Variants in SLC22A15 observed in about 807,000 individuals in gnomAD.
SLC22A15 encodes solute carrier family 22 member 15.
In SLC22A15, 45 loss-of-function variants were observed where a neutral mutation model predicts 62.7. The ratio of observed to expected loss-of-function variants is 0.72; its 90% confidence interval spans 0.56 to 0.92. The LOEUF is 0.92. Among genes scored for constraint, SLC22A15 ranks in the 40% least tolerant of loss-of-function variants. SLC22A15 has a pLI of 0.00. For missense variants in SLC22A15, 622 were observed against 665.6 expected (o/e 0.93, Z 0.72); for synonymous variants, 264 against 267.0 (o/e 0.99, Z 0.11).
intron 2 of SLC22A15, among the ~76,000 whole-genome samples, chr1:115,992,915 G>A (rs759697074): frequency 1.3e-5 from 2 of 152,030 alleles, no homozygotes; most frequent in African/African-American, 2.4e-5. Context: ...ATGAGCCACC[G>A]CGCCTGGCCT....
chr1:116,055,212 A>T lies in SLC22A15; in HGVS notation c.1172-7550A>T, dbSNP rs1292622009. Among the ~76,000 whole-genome samples the T allele has an allele frequency of 2.6e-5, 4 of 152,208 alleles. No individual in the cohort carries two copies. The East Asian group carries it at 5.8e-4, about 22-fold the overall frequency. The stretch of plus-strand genomic sequence containing the variant: ...AATCAAATAGACGCAATAAAAAATG[A>T]TAAAGGGGATATCACCACCTATCCC... On this transcript the variant is annotated intron_variant, in intron 8 of 11. Transcript: ENST00000369503.
chr1:116,045,638 C>CTGA (rs936670230), intron 8 of SLC22A15, among the ~76,000 whole-genome samples: 13 of 146,946 alleles, frequency 8.8e-5, no homozygotes, highest in Non-Finnish European at 1.5e-4. Context: ...ACTCCGGAGG[C>CTGA]TGAGGCAGGA....
chr1:116,024,183 G>A (rs1301526816), intron 4 of SLC22A15, among the ~76,000 whole-genome samples: 2 of 152,200 alleles, frequency 1.3e-5, no homozygotes, highest in African/African-American at 4.8e-5. Context: ...GGTTAGACAG[G>A]ATGGAAGCAG....
At chr1:115,992,298 G>A (rs1655185657) in intron 2 of SLC22A15, 55 bp downstream of exon 2, 1 of 1,391,318 alleles carries the variant, frequency 7.2e-7, no homozygotes, top group South Asian at 1.3e-5. Flanking sequence ...TCCACATAGA[G>A]CTACTCTTTT....
intron 8 of SLC22A15, among the ~76,000 whole-genome samples, chr1:116,057,918 G>A (rs1658258691): frequency 6.6e-6 from 1 of 152,088 alleles, no homozygotes; most frequent in Admixed American, 6.5e-5. Flanking sequence ...TGGGTGGGGA[G>A]AGGGGAGAAG....
chr1:115,985,945 CAA>C (rs35381675), intron 1 of SLC22A15, among the ~76,000 whole-genome samples: 86 of 114,434 alleles, frequency 7.5e-4, no homozygotes, highest in East Asian at 3.9e-3. Flanking sequence ...GACTCCATCT[CAA>C]AAAAAAAAAA....
intron 1 of SLC22A15, among the ~76,000 whole-genome samples, chr1:115,983,789 C>T (rs767886170): frequency 2.0e-5 from 3 of 152,136 alleles, no homozygotes; most frequent in Non-Finnish European, 4.4e-5. Flanking sequence ...GTTGCAGCCT[C>T]GTGACTGTGC....
intron 8 of SLC22A15, among the ~76,000 whole-genome samples, chr1:116,056,317 A>C (rs967858377): frequency 4.9e-5 from 7 of 141,730 alleles, no homozygotes; most frequent in Non-Finnish European, 9.3e-5. Context: ...TTGCTTAAAG[A>C]GAATAAAATA....
At chr1:116,055,493 C>T (rs1316814357) in intron 8 of SLC22A15, among the ~76,000 whole-genome samples, 5 of 149,332 alleles carry the variant, frequency 3.3e-5, no homozygotes, top group African/African-American at 1.2e-4. Flanking sequence ...GGAACTGGTA[C>T]CATTCCTTCT....
chr1:116,000,842 C>T (rs1484480149), intron 2 of SLC22A15, among the ~76,000 whole-genome samples: 1 of 152,068 alleles, frequency 6.6e-6, no homozygotes, highest in Non-Finnish European at 1.5e-5. Flanking sequence ...CTGTGTTAGC[C>T]AGGATGGTCT....
At chr1:116,012,530 A>G (rs1656323398) in intron 2 of SLC22A15, among the ~76,000 whole-genome samples, 1 of 152,232 alleles carries the variant, frequency 6.6e-6, no homozygotes. Context: ...AAACCTGGAG[A>G]TGGCTTGTTT....
intron 6 of SLC22A15, chr1:116,032,730 C>A: frequency 2.7e-6 from 2 of 734,114 alleles, no homozygotes; most frequent in Non-Finnish European, 3.3e-6. Context: ...CCGTTGAAAG[C>A]CAAACCTGAC....
rs541950430 is a variant in SLC22A15, at chr1:116,068,356, C to G, written c.*1248C>G. The stretch of plus-strand genomic sequence containing the variant: ...AAAATTTCTGTGTTTTCAGAATTTC[C>G]ATTTCTACTAACCTCTTGGAGAAAA... On this transcript the variant is annotated 3_prime_UTR_variant, in exon 12 of 12. Coordinates refer to ENST00000369503, the MANE Select transcript of SLC22A15 (RefSeq NM_018420.3). 1.3e-5 allele frequency: 2 copies of G among 152,712 alleles called. No homozygotes were observed. Among genetic ancestry groups the G allele is most frequent in the African/African-American group, 4.8e-5 (2 of 41,558 alleles). The allele number at this position is 152,712 out of a possible 1,614,324, so 9.5% of individuals were successfully genotyped here. A position where few individuals can be genotyped will look rare whatever the true frequency, so the allele number is the denominator to read the frequency against.
intron 2 of SLC22A15, among the ~76,000 whole-genome samples, chr1:115,993,428 A>AGTGTGTGTGTGT (rs762008398): frequency 9.1e-5 from 13 of 143,564 alleles, no homozygotes; most frequent in South Asian, 4.4e-4. Context: ...AGTGTGTGAG[A>AGTGTGTGTGTGT]GTGTGTGTGT....
rs1019662425 is a variant in SLC22A15 at position 116,027,025 on chromosome 1, A to G, written c.728+3A>G. 2 of 1,612,164 alleles carry G rather than the reference A, an allele frequency of 1.2e-6. No individual in the cohort carries two copies. The highest frequency in any genetic ancestry group is 1.7e-5 in the Admixed American group (1 of 59,642). The stretch of plus-strand genomic sequence containing the variant: ...ACGGTGGTCTTTCTCTTATCTTTGT[A>G]AGTAGTTTTTCCTCTTAGAGTTTTA... On this transcript the variant is annotated splice_donor_region_variant and intron_variant, in intron 5 of 11. Coordinates refer to ENST00000369503, the MANE Select transcript of SLC22A15 (RefSeq NM_018420.3).
intron 2 of SLC22A15, among the ~76,000 whole-genome samples, chr1:115,993,743 C>T (rs562074794): frequency 5.7e-4 from 87 of 152,238 alleles, no homozygotes; most frequent in Non-Finnish European, 9.0e-4. Flanking sequence ...CCACAGCACA[C>T]AGAACACAGT....
Position 116,037,298 on chromosome 1 carries a change from T to C in SLC22A15, c.1086-5T>C. ...AGAACTGTGTAATTTCTTTCTATTGTTTAGGTTTGGTCGGAAGCGAACATT... is the reference window on the plus strand; with the variant it reads ...AGAACTGTGTAATTTCTTTCTATTGCTTAGGTTTGGTCGGAAGCGAACATT... On this transcript the variant is annotated splice_region_variant and splice_polypyrimidine_tract_variant and intron_variant, in intron 7 of 11. Transcript: ENST00000369503. The C allele has an allele frequency of 6.2e-7, 1 of 1,610,888 alleles. No homozygotes were observed. Among genetic ancestry groups the C allele is most frequent in the South Asian group, 1.1e-5 (1 of 90,990 alleles).
At chr1:116,028,955 A>T (rs947996115) in intron 5 of SLC22A15, among the ~76,000 whole-genome samples, 3 of 152,024 alleles carry the variant, frequency 2.0e-5, no homozygotes, top group East Asian at 3.9e-4. Flanking sequence ...TTTGAATTCC[A>T]CGGCATTCAC....
In SLC22A15 at chr1:116,027,401, G is replaced by T; in HGVS notation, c.728+379G>T. On this transcript the variant is annotated intron_variant, in intron 5 of 11. Coordinates refer to ENST00000369503, the MANE Select transcript of SLC22A15 (RefSeq NM_018420.3). ...AGAACAGTGTATTCATATTGGATAT[G>T]TAGTGACAACTGTTCATCCTACAGA... 3 of 511,564 alleles carry T rather than the reference G, an allele frequency of 5.9e-6. No homozygotes were observed. The East Asian group carries it at 1.7e-4, about 28-fold the overall frequency. 31.7% of individuals were successfully genotyped at this position (511,564 alleles called of 1,614,324 possible). A position where few individuals can be genotyped will look rare whatever the true frequency, so the allele number is the denominator to read the frequency against.
Sources: gnomAD v4.1 joint callset for allele counts (sites outside exome capture counted in the v4.1 genomes callset) on GRCh38, gnomAD v4.1.1 for gene constraint, MANE v1.5 for transcripts, NCBI Gene and HGNC (gene_info 2026-07-23, HGNC 2026-07-21) for gene names.